The following EFNA5 variants were observed in gnomAD, a reference collection of about 807,000 sequenced individuals.
The protein encoded by EFNA5 is ephrin-A5.
A neutral mutation model predicts 22.9 loss-of-function variants in EFNA5; 5 were observed. The observed-to-expected ratio is 0.22, with a 90% CI of 0.11 to 0.46. EFNA5 has a LOEUF of 0.46. Ranked by LOEUF, EFNA5 falls within the 20% of genes least tolerant of loss-of-function variation. EFNA5 has a pLI of 0.99. For synonymous variants in EFNA5, 113 were observed against 112.2 expected, an observed-to-expected ratio of 1.01 and a Z score of -0.04; for missense variants, 237 against 293.3, an observed-to-expected ratio of 0.81 and a Z score of 1.40.
intron 1 of EFNA5, among the ~76,000 whole-genome samples, chr5:107,470,517 A>G (rs536537605): frequency 6.6e-6 from 1 of 152,344 alleles, no homozygotes; most frequent in South Asian, 2.1e-4. Flanking sequence ...TTTGATTAAA[A>G]TTGGAGGACT....
intron 2 of EFNA5, among the ~76,000 whole-genome samples, chr5:107,395,399 T>G (rs1193198334): frequency 6.6e-6 from 1 of 152,160 alleles, no homozygotes; most frequent in African/African-American, 2.4e-5. Flanking sequence ...ACATTCTGAA[T>G]GTAAACTTCA....
intron 1 of EFNA5, among the ~76,000 whole-genome samples, chr5:107,505,868 G>A (rs1005711890): frequency 2.0e-5 from 3 of 150,694 alleles, no homozygotes; most frequent in Admixed American, 1.3e-4. Context: ...AAACAATTAT[G>A]ATCATCAACA....
intron 1 of EFNA5, among the ~76,000 whole-genome samples, chr5:107,642,388 A>G (rs761846360): frequency 6.6e-6 from 1 of 151,884 alleles, no homozygotes; most frequent in Non-Finnish European, 1.5e-5. Context: ...AGCTTGATTT[A>G]GCCATTCCAT....
intron 1 of EFNA5, among the ~76,000 whole-genome samples, chr5:107,485,868 C>A (rs1205029286): frequency 6.6e-6 from 1 of 152,064 alleles, no homozygotes; most frequent in South Asian, 2.1e-4. Flanking sequence ...TTTTTTTAAG[C>A]TAGATCTTTG....
intron 1 of EFNA5, among the ~76,000 whole-genome samples, chr5:107,476,518 T>C (rs2112393165): frequency 6.6e-6 from 1 of 152,284 alleles, no homozygotes; most frequent in East Asian, 1.9e-4. Flanking sequence ...CTTCTATTCC[T>C]GCTGTTTCTC....
chr5:107,619,713 C>T (rs1397797892), intron 1 of EFNA5, among the ~76,000 whole-genome samples: 1 of 152,124 alleles, frequency 6.6e-6, no homozygotes, highest in Admixed American at 6.5e-5. Context: ...CCGCCCACCT[C>T]AGCCTCCCAA....
In EFNA5 at chr5:107,591,826, A is replaced by T. The variant is rs866641202; in HGVS notation, c.125+78663T>A. ...GCAAAGGGAGACTCCGTCTCAAAAA[A>T]ATATATATATATATATAAAATATAT... On this transcript the variant is annotated intron_variant, in intron 1 of 4. Coordinates refer to ENST00000333274, the MANE Select transcript of EFNA5 (RefSeq NM_001962.3). 1.3e-4 allele frequency among the ~76,000 whole-genome samples: 13 copies of T among 96,580 alleles called. No individual in the cohort carries two copies. In the South Asian group the frequency reaches 1.6e-3, roughly 12 times the overall value. The allele number at this position is 96,580 out of a possible 152,430, so 63.4% of individuals were successfully genotyped here.
Position 107,405,981 on chromosome 5 carries a change from CTATATT to C in EFNA5, c.419-18216_419-18211del, listed in dbSNP as rs1561372417. Among the ~76,000 whole-genome samples, 58 of 96,956 alleles carry C rather than the reference CTATATT, an allele frequency of 6.0e-4. 4 individuals carry two copies. Among genetic ancestry groups the C allele is most frequent in the Middle Eastern group, 6.1e-3 (1 of 164 alleles). The allele number at this position is 96,956 out of a possible 152,430, so 63.6% of individuals were successfully genotyped here. On this transcript the variant is annotated intron_variant, in intron 2 of 4. Coordinates refer to ENST00000333274, the MANE Select transcript of EFNA5 (RefSeq NM_001962.3). ...ATATACATAGAATGTATAAAAATAC[CTATATT>C]TGTATACATATTCTATGTATTTATA... is the stretch of plus-strand genomic sequence containing the variant.
intron 1 of EFNA5, among the ~76,000 whole-genome samples, chr5:107,528,303 T>C (rs1747739442): frequency 1.3e-5 from 2 of 152,222 alleles, no homozygotes; most frequent in Admixed American, 1.3e-4. Context: ...GGGACACTCA[T>C]TATAACAGGA....
At chr5:107,389,128 TTTTTGG>T (rs1747718329) in intron 2 of EFNA5, among the ~76,000 whole-genome samples, 1 of 152,130 alleles carries the variant, frequency 6.6e-6, no homozygotes, top group East Asian at 1.9e-4. Context: ...AGAAAAAGTG[TTTTTGG>T]TCCTCCCTAT....
At chr5:107,620,193 T>C (rs1410622798) in intron 1 of EFNA5, among the ~76,000 whole-genome samples, 1 of 152,246 alleles carries the variant, frequency 6.6e-6, no homozygotes, top group Admixed American at 6.5e-5. Flanking sequence ...ACAAAATCTT[T>C]GTTAACATTT....
intron 1 of EFNA5, among the ~76,000 whole-genome samples, chr5:107,509,838 G>A (rs1350234632): frequency 6.6e-6 from 1 of 152,106 alleles, no homozygotes; most frequent in Non-Finnish European, 1.5e-5. Flanking sequence ...TGTATTGAAT[G>A]GCACATAATG....
Position 107,377,533 on chromosome 5 carries a change from T to C in EFNA5, c.*3722A>G, listed in dbSNP as rs1747299101. 1 of 152,168 alleles carries C rather than the reference T, an allele frequency of 6.6e-6. No individual in the cohort carries two copies. Among genetic ancestry groups the C allele is most frequent in the Admixed American group, 6.5e-5 (1 of 15,280 alleles). The allele number at this position is 152,168 out of a possible 1,614,324, so 9.4% of individuals were successfully genotyped here. A position where few individuals can be genotyped will look rare whatever the true frequency, so the allele number is the denominator to read the frequency against. The stretch of plus-strand genomic sequence containing the variant: ...GAGTTGAAAACTGTTTTTCTAATTA[T>C]TTGAAAATAATACAAATGGCTGCTG... On this transcript the variant is annotated 3_prime_UTR_variant, in exon 5 of 5. Coordinates refer to ENST00000333274, the MANE Select transcript of EFNA5 (RefSeq NM_001962.3).
At chr5:107,465,486 A>AAATGTG (rs1179446208) in intron 1 of EFNA5, among the ~76,000 whole-genome samples, 2 of 152,200 alleles carry the variant, frequency 1.3e-5, no homozygotes, top group Non-Finnish European at 2.9e-5. Context: ...GACGCCACGT[A>AAATGTG]AATGTGGCTT....
chr5:107,665,259 C>G (rs1234240842), intron 1 of EFNA5, among the ~76,000 whole-genome samples: 1 of 152,172 alleles, frequency 6.6e-6, no homozygotes, highest in African/African-American at 2.4e-5. Context: ...AAAGGAGGCG[C>G]CCATCTTTAT....
intron 1 of EFNA5, among the ~76,000 whole-genome samples, chr5:107,630,985 C>G (rs1399708280): frequency 6.6e-6 from 1 of 152,150 alleles, no homozygotes; most frequent in East Asian, 1.9e-4. Flanking sequence ...GAAAAGTCTT[C>G]AGGAGCAATA....
At chr5:107,502,565 C>G (rs905136197) in intron 1 of EFNA5, among the ~76,000 whole-genome samples, 3 of 152,168 alleles carry the variant, frequency 2.0e-5, no homozygotes, top group Non-Finnish European at 4.4e-5. Context: ...CTTTTGACAG[C>G]ACATAACTGC....
intron 1 of EFNA5, among the ~76,000 whole-genome samples, chr5:107,520,252 C>G (rs116467373): frequency 0.029 from 4,455 of 152,300 alleles, 114 homozygotes; most frequent in Non-Finnish European, 0.047. Flanking sequence ...TTGCATACCA[C>G]ATCTGGTTTG....
At chr5:107,643,129 C>T (rs1381710369) in intron 1 of EFNA5, among the ~76,000 whole-genome samples, 2 of 152,138 alleles carry the variant, frequency 1.3e-5, no homozygotes, top group Non-Finnish European at 2.9e-5. Context: ...TCTTCTAACA[C>T]GGATGCCCCT....
Sources: gnomAD v4.1 joint callset for allele counts (sites outside exome capture counted in the v4.1 genomes callset) on GRCh38, gnomAD v4.1.1 for gene constraint, MANE v1.5 for transcripts, NCBI Gene and HGNC (gene_info 2026-07-23, HGNC 2026-07-21) for gene names.